DGKB: variants seen among roughly 807,000 people sequenced by gnomAD.
The protein encoded by DGKB is diacylglycerol kinase beta.
Under a neutral mutation model 114.3 loss-of-function variants are expected in DGKB, and 67 were observed. That is an observed-to-expected ratio of 0.59 (90% CI 0.48 to 0.72). The LOEUF is 0.72. Among genes scored for constraint, DGKB ranks in the 30% least tolerant of loss-of-function variants. The probability of loss-of-function intolerance (pLI) is 0.00; values close to 1 mark genes in which losing one functional copy is unlikely to be tolerated. For synonymous variants in DGKB, 398 were observed against 323.1 expected, an observed-to-expected ratio of 1.23 and a Z score of -2.49; for missense variants, 907 against 975.2, an observed-to-expected ratio of 0.93 and a Z score of 0.93.
At chr7:14,508,620 C>T (rs1048922593) in intron 20 of DGKB, among the ~76,000 whole-genome samples, 6 of 152,178 alleles carry the variant, frequency 3.9e-5, no homozygotes, top group African/African-American at 1.2e-4. Context: ...AGAATCTCTA[C>T]ACCTTACTTT....
chr7:14,455,946 G>T (rs914126702), intron 21 of DGKB, among the ~76,000 whole-genome samples: 1 of 151,962 alleles, frequency 6.6e-6, no homozygotes, highest in Non-Finnish European at 1.5e-5. Context: ...TGTTGAATTT[G>T]TGCCTTCACT....
chr7:14,814,265 G>A (rs1008906630), intron 2 of DGKB: 1 of 152,064 alleles, frequency 6.6e-6, no homozygotes. Context: ...TTCTTTCTCT[G>A]GACATTGGCT....
At position 14,167,499 on chromosome 7, in the gene DGKB, A is replaced by C. The variant is rs552637630; in HGVS notation, c.2304+9340T>G. On this transcript the variant is annotated intron_variant, in intron 25 of 25. Coordinates refer to ENST00000402815, the MANE Select transcript of DGKB (RefSeq NM_001350709.2). Reference sequence around the variant, plus strand: ...AATATGAGAGCCCTGGGAGTAAAAAAAAAATATCAGAGAGATCATGGAGAG... The same window carrying C: ...AATATGAGAGCCCTGGGAGTAAAAACAAAATATCAGAGAGATCATGGAGAG... Among the ~76,000 whole-genome samples, 9 of 152,280 alleles carry C rather than the reference A, an allele frequency of 5.9e-5. No homozygotes were observed. The East Asian group carries it at 1.2e-3, about 20-fold the overall frequency.
intron 3 of DGKB, among the ~76,000 whole-genome samples, chr7:14,754,748 T>C (rs1295639341): frequency 6.6e-6 from 1 of 152,188 alleles, no homozygotes; most frequent in African/African-American, 2.4e-5. Context: ...TTATATTATT[T>C]ACACAAGAGT....
At position 14,351,678 on chromosome 7, in the gene DGKB, G is replaced by T. The variant is rs183981283; in HGVS notation, c.1836-6287C>A. On this transcript the variant is annotated intron_variant, in intron 21 of 25. Transcript: ENST00000402815. ...AAAGTATGTAATAGTGGCATGAATGGGAACTTTTACTCAAATTTGTAAAAA... is the reference window on the plus strand; with the variant it reads ...AAAGTATGTAATAGTGGCATGAATGTGAACTTTTACTCAAATTTGTAAAAA... Among the ~76,000 whole-genome samples, 402 of 152,120 alleles carry T rather than the reference G, an allele frequency of 2.6e-3. 4 individuals carry two copies. Among genetic ancestry groups the T allele is most frequent in the African/African-American group, 9.2e-3 (380 of 41,504 alleles).
At chr7:14,150,139 T>G (rs962414048) in intron 25 of DGKB, among the ~76,000 whole-genome samples, 2 of 152,270 alleles carry the variant, frequency 1.3e-5, no homozygotes, top group Admixed American at 1.3e-4. Context: ...ATCTTGCCTT[T>G]GGGCTAGTGA....
chr7:14,843,611 G>A (rs1380371310), intron 1 of DGKB, among the ~76,000 whole-genome samples: 2 of 152,124 alleles, frequency 1.3e-5, no homozygotes, highest in Non-Finnish European at 2.9e-5. Flanking sequence ...TGGGATTACA[G>A]GCGTGAGCCA....
At chr7:14,243,548 G>A (rs1019201920) in intron 23 of DGKB, among the ~76,000 whole-genome samples, 4 of 152,084 alleles carry the variant, frequency 2.6e-5, no homozygotes, top group Admixed American at 6.5e-5. Flanking sequence ...TAGAAATATA[G>A]GAGCTATACT....
Position 14,572,116 on chromosome 7 carries a change from A to G in DGKB, c.1770+2096T>C, listed in dbSNP as rs62443551. Among the ~76,000 whole-genome samples the G allele has an allele frequency of 5.6e-3, 854 of 152,220 alleles. 7 individuals carry two copies. The highest frequency in any genetic ancestry group is 0.02 in the Middle Eastern group (6 of 294). On this transcript the variant is annotated intron_variant, in intron 20 of 25. Coordinates refer to ENST00000402815, the MANE Select transcript of DGKB (RefSeq NM_001350709.2). ...TTCACAGACAAATACTTCCAAACAG[A>G]TATTATAAATATGTCAAAAGAATGA...
chr7:14,971,255 A>G (rs1426225037), intron 1 of DGKB, among the ~76,000 whole-genome samples: 1 of 152,172 alleles, frequency 6.6e-6, no homozygotes, highest in East Asian at 1.9e-4. Context: ...TCTTGGGCTC[A>G]TGAAAGGAAC....
In DGKB at chr7:14,207,849, C is replaced by CTCTA. The variant is rs201150763; in HGVS notation, c.2123-29702_2123-29699dup. On this transcript the variant is annotated intron_variant, in intron 23 of 25. Coordinates refer to ENST00000402815, the MANE Select transcript of DGKB (RefSeq NM_001350709.2). ...GAGGGGAAGGAAATGGATTCCAATACTCTATCTTCAAAGTGAACTAAAAAA... is the reference window on the plus strand; with the variant it reads ...GAGGGGAAGGAAATGGATTCCAATACTCTATCTATCTTCAAAGTGAACTAAAAAA... 5.2e-3 allele frequency among the ~76,000 whole-genome samples: 792 copies of CTCTA among 152,078 alleles called. 10 individuals carry two copies. Among genetic ancestry groups the CTCTA allele is most frequent in the African/African-American group, 0.018 (742 of 41,506 alleles).
intron 21 of DGKB, among the ~76,000 whole-genome samples, chr7:14,426,147 T>C (rs1827489702): frequency 6.6e-6 from 1 of 152,198 alleles, no homozygotes; most frequent in African/African-American, 2.4e-5. Flanking sequence ...GCTAGTTTCA[T>C]GTGTAGTCAA....
In DGKB at chr7:14,572,270, CG is replaced by C. The variant is rs374542069; in HGVS notation, c.1770+1941del. ...AGATCCAGACCATCCTGGCTAACCCCGTATCTACTAAAAATACAAAAAAAAA... is the reference window on the plus strand; with the variant it reads ...AGATCCAGACCATCCTGGCTAACCCCTATCTACTAAAAATACAAAAAAAAA... On this transcript the variant is annotated intron_variant, in intron 20 of 25. Transcript: ENST00000402815. Among the ~76,000 whole-genome samples the C allele has an allele frequency of 4.1e-3, 612 of 148,772 alleles. 11 individuals are homozygous for C. The highest frequency in any genetic ancestry group is 0.028 in the Admixed American group (417 of 14,722).
At chr7:14,846,618 C>G (rs375670692) in intron 1 of DGKB, among the ~76,000 whole-genome samples, 2 of 152,158 alleles carry the variant, frequency 1.3e-5, no homozygotes, top group Non-Finnish European at 1.5e-5. Context: ...GTTTCCTGTT[C>G]CCCTGCAGAA....
chr7:14,967,867 A>G (rs1787253003), intron 1 of DGKB, among the ~76,000 whole-genome samples: 1 of 152,128 alleles, frequency 6.6e-6, no homozygotes. Context: ...AAATAATTAG[A>G]GCAAAATGTA....
chr7:14,304,761 G>T (rs910319645), intron 23 of DGKB, among the ~76,000 whole-genome samples: 12 of 152,022 alleles, frequency 7.9e-5, no homozygotes, highest in Non-Finnish European at 1.5e-5. Context: ...TTTCTCAGTT[G>T]TTCAGTGAAG....
chr7:14,204,510 C>CTACT (rs551733460), intron 23 of DGKB, among the ~76,000 whole-genome samples: 9 of 151,982 alleles, frequency 5.9e-5, no homozygotes, highest in Non-Finnish European at 1.2e-4. Flanking sequence ...GACCACCTCT[C>CTACT]TACTTACATT....
chr7:14,520,633 G>T (rs1320453865), intron 20 of DGKB, among the ~76,000 whole-genome samples: 1 of 151,788 alleles, frequency 6.6e-6, no homozygotes, highest in Admixed American at 6.6e-5. Flanking sequence ...TGTTTTCCCA[G>T]ATTTTTTTCT....
At chr7:14,680,941 A>G (rs1820719193) in intron 12 of DGKB, among the ~76,000 whole-genome samples, 1 of 152,008 alleles carries the variant, frequency 6.6e-6, no homozygotes, top group Admixed American at 6.6e-5. Context: ...TTTATGAAGA[A>G]TAGGTAAACA....
Sources: allele counts gnomAD v4.1 joint callset (sites outside exome capture counted in the v4.1 genomes callset), GRCh38; gene constraint gnomAD v4.1.1; transcripts MANE v1.5; gene names NCBI Gene and HGNC (gene_info 2026-07-23, HGNC 2026-07-21).